Variants in CDYL2 observed in about 807,000 individuals in gnomAD.
CDYL2 encodes the protein chromodomain Y-like protein 2.
Under a neutral mutation model 49.4 loss-of-function variants are expected in CDYL2, and 23 were observed. The ratio of observed to expected loss-of-function variants is 0.47; its 90% CI spans 0.34 to 0.66. The LOEUF (loss-of-function observed/expected upper bound fraction) is 0.66, where lower values mean the gene tolerates loss of function less well. Among genes scored for constraint, CDYL2 ranks in the 30% least tolerant of loss-of-function variants. The probability of loss-of-function intolerance (pLI) is 0.01; values close to 1 mark genes in which losing one functional copy is unlikely to be tolerated. For missense variants in CDYL2, 678 were observed against 656.4 expected, an observed-to-expected ratio of 1.03 and a Z score of -0.36; for synonymous variants, 360 against 268.8, an observed-to-expected ratio of 1.34 and a Z score of -3.32.
Position 80,599,939 on chromosome 16 carries a change from A to G in CDYL2, c.*4449T>C, listed in dbSNP as rs1254323937. The G allele has an allele frequency of 6.6e-6, 1 of 152,216 alleles. No individual in the cohort carries two copies. Among genetic ancestry groups the G allele is most frequent in the African/African-American group, 2.4e-5 (1 of 41,456 alleles). The allele number at this position is 152,216 out of a possible 1,614,324, so 9.4% of individuals were successfully genotyped here. ...ATCAAACTCTTCGGATTAGCCATGA[A>G]TTACAGACTGCATTCAGTCCATCAG... On this transcript the variant is annotated 3_prime_UTR_variant, in exon 7 of 7. Coordinates refer to ENST00000570137, the MANE Select transcript of CDYL2 (RefSeq NM_152342.4).
chr16:80,752,714 T>C (rs1906177431), intron 1 of CDYL2, among the ~76,000 whole-genome samples: 2 of 152,176 alleles, frequency 1.3e-5, no homozygotes, highest in African/African-American at 4.8e-5. Context: ...TACTGATAAA[T>C]GTTTAACAAA....
intron 2 of CDYL2, among the ~76,000 whole-genome samples, chr16:80,635,520 C>T (rs1055133620): frequency 5.3e-5 from 8 of 152,104 alleles, no homozygotes; most frequent in Admixed American, 2.6e-4. Flanking sequence ...TGTGAAGGAC[C>T]TATTCAAGAA....
At chr16:80,803,136 G>C (rs1312823646) in intron 1 of CDYL2, among the ~76,000 whole-genome samples, 1 of 152,184 alleles carries the variant, frequency 6.6e-6, no homozygotes, top group Non-Finnish European at 1.5e-5. Context: ...GTGGCTGGCT[G>C]TTCCTTGTGT....
intron 2 of CDYL2, among the ~76,000 whole-genome samples, chr16:80,636,567 G>A (rs1342842690): frequency 2.0e-5 from 3 of 152,230 alleles, no homozygotes; most frequent in East Asian, 1.9e-4. Context: ...AGGTGCTGGA[G>A]AGGATGTGGA....
chr16:80,797,535 T>A (rs1277871288), intron 1 of CDYL2, among the ~76,000 whole-genome samples: 2 of 152,180 alleles, frequency 1.3e-5, no homozygotes, highest in Non-Finnish European at 2.9e-5. Flanking sequence ...GAGAGAATAC[T>A]CAACTTTCAC....
At chr16:80,628,231 C>G (rs1907389769) in intron 3 of CDYL2, 1 of 152,212 alleles carries the variant, frequency 6.6e-6, no homozygotes, top group African/African-American at 2.4e-5. Context: ...ATTTAAACCC[C>G]TTGTATTCAC....
At chr16:80,662,132 T>C (rs1483061151) in intron 2 of CDYL2, among the ~76,000 whole-genome samples, 2 of 152,178 alleles carry the variant, frequency 1.3e-5, no homozygotes, top group African/African-American at 2.4e-5. Context: ...AAAACACTTG[T>C]TTTCTGCAAT....
intron 1 of CDYL2, among the ~76,000 whole-genome samples, chr16:80,786,929 G>A (rs1054955198): frequency 1.3e-5 from 2 of 152,006 alleles, no homozygotes; most frequent in Admixed American, 1.3e-4. Context: ...GGGGGTGGGG[G>A]GCTAGGGGAG....
At chr16:80,755,646 G>A (rs779963690) in intron 1 of CDYL2, among the ~76,000 whole-genome samples, 2 of 152,184 alleles carry the variant, frequency 1.3e-5, no homozygotes, top group African/African-American at 2.4e-5. Flanking sequence ...ACCTGAGATA[G>A]AGAAAAATAC....
chr16:80,694,592 A>G lies in CDYL2; in HGVS notation c.25-9463T>C, dbSNP rs117751340. 6.5e-3 allele frequency among the ~76,000 whole-genome samples: 985 copies of G among 152,362 alleles called. 12 individuals are homozygous for G. Among genetic ancestry groups the G allele is most frequent in the South Asian group, 0.033 (159 of 4,828 alleles). On this transcript the variant is annotated intron_variant, in intron 1 of 6. Transcript: ENST00000570137. ...AGTATAAACTCATGTTTACTTTAATACATTTACACATATAAACATGGAAAT... is the reference window on the plus strand; with the variant it reads ...AGTATAAACTCATGTTTACTTTAATGCATTTACACATATAAACATGGAAAT...
chr16:80,764,832 A>G lies in CDYL2; in HGVS notation c.24+39318T>C, dbSNP rs372081145. On this transcript the variant is annotated intron_variant, in intron 1 of 6. Coordinates refer to ENST00000570137, the MANE Select transcript of CDYL2 (RefSeq NM_152342.4). Reference sequence around the variant, plus strand: ...TCCCAGCACTTTGTGAGGCCGAGGCAGGTGGATCACGAGGTCAGGAGATCA... The same window carrying G: ...TCCCAGCACTTTGTGAGGCCGAGGCGGGTGGATCACGAGGTCAGGAGATCA... Among the ~76,000 whole-genome samples, 67 of 152,078 alleles carry G rather than the reference A, an allele frequency of 4.4e-4. No homozygotes were observed. In the Middle Eastern group the frequency reaches 0.01, roughly 23 times the overall value.
rs536857289 is a variant in CDYL2, at chr16:80,717,223, A to G, written c.25-32094T>C. 7.2e-5 allele frequency among the ~76,000 whole-genome samples: 11 copies of G among 152,282 alleles called. No individual in the cohort carries two copies. In the South Asian group the frequency reaches 1.7e-3, roughly 23 times the overall value. Reference sequence around the variant, plus strand: ...CCTGCTGACACACAGTGTGGTGACTAGCCATTCTTACTATTCAACTTTAGG... The same window carrying G: ...CCTGCTGACACACAGTGTGGTGACTGGCCATTCTTACTATTCAACTTTAGG... On this transcript the variant is annotated intron_variant, in intron 1 of 6. Transcript: ENST00000570137.
chr16:80,610,457 G>C (rs574142524), intron 5 of CDYL2, among the ~76,000 whole-genome samples: 1 of 152,118 alleles, frequency 6.6e-6, no homozygotes, highest in African/African-American at 2.4e-5. Flanking sequence ...CACAATAGCC[G>C]TGGGGCCACA....
intron 2 of CDYL2, among the ~76,000 whole-genome samples, chr16:80,639,158 C>T (rs1211906119): frequency 6.6e-6 from 1 of 152,168 alleles, no homozygotes; most frequent in Non-Finnish European, 1.5e-5. Context: ...GGAGGTACCA[C>T]TACACACATT....
At chr16:80,661,761 T>C (rs145248219) in intron 2 of CDYL2, among the ~76,000 whole-genome samples, 1 of 152,332 alleles carries the variant, frequency 6.6e-6, no homozygotes, top group African/African-American at 2.4e-5. Context: ...TGTCATGTGA[T>C]GCTTTACCAA....
chr16:80,691,067 A>G (rs1910395862), intron 1 of CDYL2, among the ~76,000 whole-genome samples: 2 of 152,130 alleles, frequency 1.3e-5, no homozygotes, highest in South Asian at 4.1e-4. Context: ...CAAAAAAAAA[A>G]GAACAGAGAA....
chr16:80,776,181 A>C (rs1329850292), intron 1 of CDYL2, among the ~76,000 whole-genome samples: 3 of 152,158 alleles, frequency 2.0e-5, no homozygotes, highest in Non-Finnish European at 4.4e-5. Flanking sequence ...ATTAGAAGAC[A>C]ACATAATGAA....
intron 1 of CDYL2, among the ~76,000 whole-genome samples, chr16:80,708,661 C>T (rs1405190212): frequency 1.3e-5 from 2 of 152,112 alleles, no homozygotes; most frequent in African/African-American, 4.8e-5. Flanking sequence ...CTGCAAAGGG[C>T]GTCACTGTAC....
chr16:80,620,049 A>G (rs944596628), intron 4 of CDYL2, among the ~76,000 whole-genome samples: 28 of 152,204 alleles, frequency 1.8e-4, no homozygotes, highest in Non-Finnish European at 7.3e-5. Flanking sequence ...TCTGATTCCT[A>G]AGCAAGATAC....
Sources: allele counts gnomAD v4.1 joint callset (sites outside exome capture counted in the v4.1 genomes callset), GRCh38; gene constraint gnomAD v4.1.1; transcripts MANE v1.5; gene names NCBI Gene and HGNC (gene_info 2026-07-23, HGNC 2026-07-21).